Variants in CTTN observed in about 807,000 individuals in gnomAD.
The protein encoded by CTTN is src substrate cortactin.
CTTN carries 28 observed loss-of-function variants against 84.0 expected under a neutral mutation model. The observed-to-expected ratio is 0.33, with a 90% CI of 0.25 to 0.46. The LOEUF (loss-of-function observed/expected upper bound fraction) is 0.46. CTTN is among the 20% of genes least tolerant of loss of function. The pLI is 1.00. For missense variants in CTTN, 641 were observed against 723.8 expected, an observed-to-expected ratio of 0.89 and a Z score of 1.31; for synonymous variants, 301 against 288.8, an observed-to-expected ratio of 1.04 and a Z score of -0.43.
Position 70,436,414 on chromosome 11 carries a change from G to GT in CTTN, c.*1257dup. On this transcript the variant is annotated 3_prime_UTR_variant, in exon 18 of 18. Transcript: ENST00000301843. ...GGGTCCCGGAGTGCCCGTGAAGCGT[G>GT]TTTTTGCTCCTGAGGTGCATTTTCT... is the stretch of plus-strand genomic sequence containing the variant. 1 of 1,597,674 alleles carries GT rather than the reference G, an allele frequency of 6.3e-7. No individual in the cohort carries two copies. Among genetic ancestry groups the GT allele is most frequent in the South Asian group, 1.1e-5 (1 of 90,940 alleles).
At position 70,436,097 on chromosome 11, in the gene CTTN, G is replaced by A. The variant is rs1482239891; in HGVS notation, c.*935G>A. 1.1e-5 allele frequency: 16 copies of A among 1,425,092 alleles called. No homozygotes were observed. Among genetic ancestry groups the A allele is most frequent in the East Asian group, 5.1e-5 (2 of 39,150 alleles). 88.3% of individuals were successfully genotyped at this position (1,425,092 alleles called of 1,614,324 possible). ...GGCAGTGCCTGCTCTGCTGTGAGCC[G>A]CCAGGAACCCTCCTCCTGTCAATGG... On this transcript the variant is annotated 3_prime_UTR_variant, in exon 18 of 18. Transcript: ENST00000301843.
At chr11:70,421,616 C>T (rs756094881) in intron 11 of CTTN, 36 bp downstream of exon 11, 1 of 1,479,632 alleles carries the variant, frequency 6.8e-7, no homozygotes, top group South Asian at 1.1e-5. Flanking sequence ...CTCCCCCCGA[C>T]CCTCCTGTGC....
At chr11:70,409,992 C>G (rs374409445) in intron 5 of CTTN, 32 bp downstream of exon 5, 81 of 1,613,028 alleles carry the variant, frequency 5.0e-5, no homozygotes, top group Non-Finnish European at 6.4e-5. Flanking sequence ...ATGCCAGGCT[C>G]CTGGTGTGCT....
chr11:70,420,130 C>T, intron 9 of CTTN: 1 of 598,370 alleles, frequency 1.7e-6, no homozygotes, highest in Non-Finnish European at 3.0e-6. Flanking sequence ...CCTGTGCTGT[C>T]TCATGGTGCG....
At chr11:70,431,401 T>G in intron 15 of CTTN, 121 bp downstream of exon 15, 1 of 1,038,260 alleles carries the variant, frequency 9.6e-7, no homozygotes. Context: ...AGGGCATCGC[T>G]GCATTCCACG....
intron 5 of CTTN, chr11:70,410,174 G>T (rs2058083061): frequency 6.0e-6 from 3 of 497,730 alleles, no homozygotes; most frequent in Middle Eastern, 5.5e-4. Flanking sequence ...AGAGGTGCTG[G>T]AGCACGGGTG....
At chr11:70,399,398 G>A (rs531885320) in intron 1 of CTTN, among the ~76,000 whole-genome samples, 34 of 151,976 alleles carry the variant, frequency 2.2e-4, no homozygotes, top group Non-Finnish European at 4.6e-4. Flanking sequence ...GATGGGGTCC[G>A]CGGGGTCAAG....
rs2058412122 is a variant in CTTN, at chr11:70,435,817, G to A, written c.*655G>A. The A allele has an allele frequency of 6.4e-7, 1 of 1,554,764 alleles. No homozygotes were observed. Among genetic ancestry groups the A allele is most frequent in the African/African-American group, 1.4e-5 (1 of 73,592 alleles). ...TTGTCCTCATCTCTACCCATCCCCT[G>A]ATGCCCAGGTCACCGGGAGGGCTGC... On this transcript the variant is annotated 3_prime_UTR_variant, in exon 18 of 18. Transcript: ENST00000301843.
rs2058259601 is a variant in CTTN, at chr11:70,423,099, A to G, written c.957+104A>G. On this transcript the variant is annotated intron_variant, in intron 12 of 17. Coordinates refer to ENST00000301843, the MANE Select transcript of CTTN (RefSeq NM_005231.4). Reference sequence around the variant, plus strand: ...CATCCACGCGCTGGGGTGGGGCACAAGTGATTTCCGTCGTGGTGGTGGTGG... The same window carrying G: ...CATCCACGCGCTGGGGTGGGGCACAGGTGATTTCCGTCGTGGTGGTGGTGG... 3 of 1,373,142 alleles carry G rather than the reference A, an allele frequency of 2.2e-6. No homozygotes were observed. The South Asian group carries it at 3.7e-5, about 17-fold the overall frequency. 85.1% of individuals were successfully genotyped at this position (1,373,142 alleles called of 1,614,324 possible).
At chr11:70,429,382 G>C (rs1305013132) in intron 14 of CTTN, among the ~76,000 whole-genome samples, 183 bp downstream of exon 14, 2 of 152,194 alleles carry the variant, frequency 1.3e-5, no homozygotes, top group African/African-American at 4.8e-5. Context: ...CATAGGCTGA[G>C]TCTCTGGCCA....
rs766063811 is a variant in CTTN, at chr11:70,436,385, A to G, written c.*1223A>G. 10 of 1,598,210 alleles carry G rather than the reference A, an allele frequency of 6.3e-6. No homozygotes were observed. The Admixed American group carries it at 1.7e-4, about 27-fold the overall frequency. On this transcript the variant is annotated 3_prime_UTR_variant, in exon 18 of 18. Coordinates refer to ENST00000301843, the MANE Select transcript of CTTN (RefSeq NM_005231.4). Reference sequence around the variant, plus strand: ...GAAGGTCACGTGGAAATGTCTCGGGACTTGGGTCCCGGAGTGCCCGTGAAG... The same window carrying G: ...GAAGGTCACGTGGAAATGTCTCGGGGCTTGGGTCCCGGAGTGCCCGTGAAG...
At position 70,429,140 on chromosome 11, in the gene CTTN, A is replaced by G. The variant is rs1248021776; in HGVS notation, c.1117A>G (p.Arg373Gly). 6.2e-7 allele frequency: 1 copy of G among 1,614,086 alleles called. No homozygotes were observed. The highest frequency in any genetic ancestry group is 1.1e-5 in the South Asian group (1 of 91,082). The change falls in exon 14 of 18, where the codon AGA (arginine) becomes GGA (glycine). Residue 373 changes from arginine to glycine, a missense_variant. Arg to Gly is a moderately radical substitution (Grantham distance 125). This residue lies in a region of CTTN where 289 missense variants were observed against 273.1 expected (regional missense o/e 1.06). Transcript: ENST00000301843. ...QEDRRKAEAE[R>G]AQRMAKERQE... The stretch of plus-strand genomic sequence containing the variant: ...GGACAGGCGGAAGGCGGAGGCGGAG[A>G]GAGCCCAGCGGATGGCCAAGGAGCG...
intron 8 of CTTN, among the ~76,000 whole-genome samples, chr11:70,417,465 A>G (rs771707563): frequency 1.9e-4 from 29 of 149,650 alleles, no homozygotes; most frequent in Non-Finnish European, 3.0e-4. Context: ...TGGTTTCCTT[A>G]AGTGCTGGGA....
intron 12 of CTTN, 58 bp downstream of exon 12, chr11:70,423,053 G>A (rs1280346126): frequency 1.2e-5 from 19 of 1,593,732 alleles, no homozygotes; most frequent in African/African-American, 5.4e-5. Flanking sequence ...CTTGGTGGGC[G>A]TGGCTCACCG....
chr11:70,419,950 G>T (rs1591442193), intron 9 of CTTN, 94 bp downstream of exon 9: 3 of 908,656 alleles, frequency 3.3e-6, no homozygotes, highest in East Asian at 2.6e-5. Flanking sequence ...GTTATTGATA[G>T]CCCTTAACGT....
chr11:70,400,100 G>C (rs1450110688), intron 1 of CTTN, among the ~76,000 whole-genome samples: 1 of 152,202 alleles, frequency 6.6e-6, no homozygotes, highest in Non-Finnish European at 1.5e-5. Flanking sequence ...AGTTGGGGAG[G>C]CAGGGTTGTT....
Position 70,407,322 on chromosome 11 carries a change from G to T in CTTN, c.25G>T (p.Ala9Ser), listed in dbSNP as rs745873592. The change falls in exon 3 of 18, where the codon GCT becomes TCT. Residue 9 changes from alanine to serine, a missense_variant. Around this residue, in one of 3 missense-constraint regions of CTTN, gnomAD observed 284 missense variants for 348.4 expected, o/e 0.82. Transcript: ENST00000301843. MWKASAGH[A>S]VSIAQDDAGA... ...GATGTGGAAAGCTTCAGCAGGCCAC[G>T]CTGTGTCCATCGCCCAGGATGACGC... 2.6e-6 allele frequency: 4 copies of T among 1,554,188 alleles called. No individual in the cohort carries two copies. Among genetic ancestry groups the T allele is most frequent in the Non-Finnish European group, 3.5e-6 (4 of 1,148,906 alleles).
intron 15 of CTTN, among the ~76,000 whole-genome samples, chr11:70,431,885 G>A (rs953493149): frequency 9.9e-5 from 15 of 152,174 alleles, no homozygotes; most frequent in Admixed American, 6.5e-4. Flanking sequence ...CCTGCTCCCC[G>A]CCAGCACCTC....
intron 12 of CTTN, among the ~76,000 whole-genome samples, chr11:70,423,916 C>T (rs1349000108): frequency 1.3e-5 from 2 of 152,060 alleles, no homozygotes; most frequent in African/African-American, 4.8e-5. Context: ...GGGGGTTGGC[C>T]TGGGCAGAGG....
Sources: allele counts gnomAD v4.1 joint callset (sites outside exome capture counted in the v4.1 genomes callset), GRCh38; gene constraint gnomAD v4.1.1; regional missense constraint gnomAD v4.1.1; transcripts MANE v1.5; gene names NCBI Gene and HGNC (gene_info 2026-07-23, HGNC 2026-07-21).